EPM2A: variants seen among roughly 807,000 people sequenced by gnomAD.
EPM2A encodes EPM2A glucan phosphatase, laforin.
EPM2A carries 21 observed loss-of-function variants against 26.5 expected under a neutral mutation model. The observed-to-expected ratio is 0.79, with a 90% CI of 0.56 to 1.14. The LOEUF is 1.14. Ranked by LOEUF, EPM2A falls within the 50% of genes most tolerant of loss-of-function variation. The pLI is 0.00. For missense variants in EPM2A, 458 were observed against 440.8 expected, an observed-to-expected ratio of 1.04 and a Z score of -0.35; for synonymous variants, 217 against 177.6, an observed-to-expected ratio of 1.22 and a Z score of -1.76.
At chr6:145,667,996 A>T (rs1562465612) in intron 2 of EPM2A, among the ~76,000 whole-genome samples, 1 of 135,416 alleles carries the variant, frequency 7.4e-6, no homozygotes, top group Non-Finnish European at 1.5e-5. Flanking sequence ...GGGGAATACC[A>T]CACTCTGGGG....
chr6:145,400,587 ACTGAGTGCCTTTGT>A lies in EPM2A; in HGVS notation c.556-16504_556-16491del, dbSNP rs761592970. 1.8e-3 allele frequency among the ~76,000 whole-genome samples: 267 copies of A among 152,284 alleles called. 1 individual carries two copies. The highest frequency in any genetic ancestry group is 5.8e-3 in the Admixed American group (88 of 15,284). ...TCTGATCAGTTAACAGAGGTTGCTT[ACTGAGTGCCTTTGT>A]GTCCTCTGCTTCAACCTTTGACATA... On this transcript the variant is annotated intron_variant, in intron 4 of 4. Transcript: ENST00000638717.
rs148255626 is a variant in EPM2A at position 145,722,356 on chromosome 6, T to C, written c.301+12842A>G. Among the ~76,000 whole-genome samples, 659 of 152,308 alleles carry C rather than the reference T, an allele frequency of 4.3e-3. 5 individuals are homozygous for C. Among genetic ancestry groups the C allele is most frequent in the African/African-American group, 0.014 (571 of 41,574 alleles). Reference sequence around the variant, plus strand: ...AGTCAAGGAAAAGGACCAGTTGGAATAAACAGAGTCTCTACTCACCTCCCA... The same window carrying C: ...AGTCAAGGAAAAGGACCAGTTGGAACAAACAGAGTCTCTACTCACCTCCCA... On this transcript the variant is annotated intron_variant, in intron 1 of 3. Transcript: ENST00000367519.
chr6:145,735,563 C>T, upstream of EPM2A: 1 of 1,117,660 alleles, frequency 8.9e-7, no homozygotes, highest in Non-Finnish European at 1.1e-6. Context: ...GCGGCCCGAG[C>T]ACTAGGCGGC....
chr6:145,458,507 A>G (rs757224647), intron 4 of EPM2A, among the ~76,000 whole-genome samples: 1 of 152,156 alleles, frequency 6.6e-6, no homozygotes, highest in Non-Finnish European at 1.5e-5. Flanking sequence ...TTAGGATATC[A>G]TGTATTAGAT....
At chr6:145,524,147 T>C (rs539655152) in intron 2 of EPM2A, among the ~76,000 whole-genome samples, 1 of 152,244 alleles carries the variant, frequency 6.6e-6, no homozygotes, top group Admixed American at 6.5e-5. Context: ...TGCATAGTAT[T>C]CCACTGCATG....
chr6:145,510,722 G>T (rs2114762497), intron 2 of EPM2A, among the ~76,000 whole-genome samples: 1 of 151,938 alleles, frequency 6.6e-6, no homozygotes, highest in African/African-American at 2.4e-5. Context: ...AAACCAAAAA[G>T]ACTAAACACA....
intron 2 of EPM2A, among the ~76,000 whole-genome samples, chr6:145,571,974 T>C (rs967459665): frequency 6.6e-6 from 1 of 152,206 alleles, no homozygotes; most frequent in African/African-American, 2.4e-5. Flanking sequence ...CACCTACCTA[T>C]TCCCCAAATT....
intron 2 of EPM2A, among the ~76,000 whole-genome samples, chr6:145,565,926 A>C (rs780724876): frequency 6.6e-6 from 1 of 152,194 alleles, no homozygotes; most frequent in Non-Finnish European, 1.5e-5. Flanking sequence ...TTATTCAGGA[A>C]AAAATATGGA....
At chr6:145,581,842 T>C (rs1327564080) in intron 2 of EPM2A, among the ~76,000 whole-genome samples, 1 of 152,188 alleles carries the variant, frequency 6.6e-6, no homozygotes, top group African/African-American at 2.4e-5. Context: ...TATTTCATTG[T>C]TCTACAGTGG....
intron 4 of EPM2A, among the ~76,000 whole-genome samples, chr6:145,408,030 T>G (rs1229997769): frequency 6.6e-6 from 1 of 152,214 alleles, no homozygotes; most frequent in Non-Finnish European, 1.5e-5. Context: ...ACTTACTTCC[T>G]CATCTTCATG....
chr6:145,574,939 C>T (rs1161703303), intron 2 of EPM2A, among the ~76,000 whole-genome samples: 4 of 152,138 alleles, frequency 2.6e-5, no homozygotes, highest in African/African-American at 9.7e-5. Flanking sequence ...AATTAGAAAA[C>T]TCAAACAGTT....
At chr6:145,422,693 T>G (rs1051266315) in intron 4 of EPM2A, among the ~76,000 whole-genome samples, 1 of 152,186 alleles carries the variant, frequency 6.6e-6, no homozygotes, top group South Asian at 2.1e-4. Context: ...TTTTTATATG[T>G]GAAATTGATT....
At chr6:145,429,967 C>A (rs1331872575) in intron 4 of EPM2A, among the ~76,000 whole-genome samples, 1 of 152,222 alleles carries the variant, frequency 6.6e-6, no homozygotes, top group South Asian at 2.1e-4. Flanking sequence ...GAGGCTGAGG[C>A]GGGCAGATCA....
intron 2 of EPM2A, among the ~76,000 whole-genome samples, chr6:145,649,891 T>C (rs137867550): frequency 6.6e-6 from 1 of 152,294 alleles, no homozygotes; most frequent in East Asian, 1.9e-4. Flanking sequence ...AGATGTATAA[T>C]GTGTCGGGAA....
At chr6:145,583,326 GT>G (rs200160176) in intron 2 of EPM2A, among the ~76,000 whole-genome samples, 2,438 of 152,194 alleles carry the variant, frequency 0.016, 40 homozygotes, top group Non-Finnish European at 0.026. Context: ...CTTTGGATGG[GT>G]TTTTTTCTTT....
chr6:145,600,738 G>A (rs941187943), intron 2 of EPM2A, among the ~76,000 whole-genome samples: 3 of 152,148 alleles, frequency 2.0e-5, no homozygotes, highest in African/African-American at 7.2e-5. Flanking sequence ...TTCTCAGTTG[G>A]CTCCCCAGCA....
chr6:145,569,809 T>G (rs1780931143), intron 2 of EPM2A, among the ~76,000 whole-genome samples: 1 of 152,136 alleles, frequency 6.6e-6, no homozygotes, highest in East Asian at 1.9e-4. Flanking sequence ...CTTTGCCTAG[T>G]GTATTAGTCA....
At chr6:145,419,027 T>A (rs185190877) in intron 4 of EPM2A, among the ~76,000 whole-genome samples, 10 of 152,324 alleles carry the variant, frequency 6.6e-5, no homozygotes, top group African/African-American at 2.4e-4. Flanking sequence ...TTGGTTCTAT[T>A]TCCAGTTCCA....
intron 2 of EPM2A, among the ~76,000 whole-genome samples, chr6:145,664,567 G>T (rs1779004392): frequency 6.7e-6 from 1 of 149,434 alleles, no homozygotes; most frequent in Admixed American, 6.7e-5. Context: ...AATAATGGGA[G>T]ACTTTAACAC....
Sources: gnomAD v4.1 joint callset for allele counts (sites outside exome capture counted in the v4.1 genomes callset) on GRCh38, gnomAD v4.1.1 for gene constraint, MANE v1.5 for transcripts, NCBI Gene and HGNC (gene_info 2026-07-23, HGNC 2026-07-21) for gene names.